ZNF236: variants seen among roughly 807,000 people sequenced by gnomAD.
The protein encoded by ZNF236 is zinc finger protein 236.
In ZNF236, 50 loss-of-function variants were observed where a neutral mutation model predicts 191.2. That is an observed-to-expected ratio of 0.26 (90% CI 0.21 to 0.33). The LOEUF (loss-of-function observed/expected upper bound fraction) is 0.33, where lower values mean the gene tolerates loss of function less well. Ranked by LOEUF, ZNF236 falls within the 10% of genes least tolerant of loss-of-function variation. ZNF236 has a pLI of 1.00. For synonymous variants in ZNF236, 907 were observed against 928.8 expected (o/e 0.98, Z 0.43); for missense variants, 1,754 against 2,374.5 (o/e 0.74, Z 5.43).
rs1362576450 is a variant in ZNF236, at chr18:76,915,683, C to T, written c.3098C>T (p.Ser1033Phe). 6 of 1,614,020 alleles carry T rather than the reference C, an allele frequency of 3.7e-6. No homozygotes were observed. The highest frequency in any genetic ancestry group is 1.7e-5 in the Admixed American group (1 of 60,014). ...KAFSCSVCNA[S>F]FTTNGSLTRH... The stretch of plus-strand genomic sequence containing the variant: ...TTCAGCTGCAGTGTGTGCAATGCTT[C>T]CTTCACCACCAATGGCAGCCTCACC... Residue 1033 changes from serine to phenylalanine, a missense_variant, in exon 19 of 31, where the codon TCC (serine) becomes TTC (phenylalanine). Physicochemically the swap from Ser to Phe is radical, Grantham distance 155 (BLOSUM62 -2). Coordinates refer to ENST00000320610, the MANE Select transcript of ZNF236 (RefSeq NM_001306089.2).
At chr18:76,898,241 T>C (rs1374323895) in intron 10 of ZNF236, 1 of 152,212 alleles carries the variant, frequency 6.6e-6, no homozygotes, top group Non-Finnish European at 1.5e-5. Flanking sequence ...AATTTACATA[T>C]AATATTTACC....
At chr18:76,847,052 C>A (rs1975707949) in intron 1 of ZNF236, among the ~76,000 whole-genome samples, 1 of 152,156 alleles carries the variant, frequency 6.6e-6, no homozygotes, top group Admixed American at 6.5e-5. Context: ...CCTGGGCTCC[C>A]AGAGTGTTGG....
At chr18:76,942,250 G>C (rs1968149506) in intron 26 of ZNF236, among the ~76,000 whole-genome samples, 2 of 152,194 alleles carry the variant, frequency 1.3e-5, no homozygotes. Flanking sequence ...AAGAAATCAA[G>C]TTGTTCAGCA....
rs1292006699 is a variant in ZNF236 at position 76,910,641 on chromosome 18, C to G, written c.2654-19C>G. On this transcript the variant is annotated intron_variant, in intron 15 of 30. Coordinates refer to ENST00000320610, the MANE Select transcript of ZNF236 (RefSeq NM_001306089.2). ...ACTTTAATATTTTTGTAGAACTCCTCTTTTCTAATTTATTTTAGGTTTTAC... is the reference window on the plus strand; with the variant it reads ...ACTTTAATATTTTTGTAGAACTCCTGTTTTCTAATTTATTTTAGGTTTTAC... 3.7e-6 allele frequency: 6 copies of G among 1,604,664 alleles called. No homozygotes were observed. In the Admixed American group the frequency reaches 1.0e-4, roughly 27 times the overall value.
At chr18:76,861,604 T>C (rs1452424604) in intron 3 of ZNF236, among the ~76,000 whole-genome samples, 1 of 152,246 alleles carries the variant, frequency 6.6e-6, no homozygotes, top group Non-Finnish European at 1.5e-5. Context: ...TTGCATTTTG[T>C]GTTTGATTTT....
At position 76,968,885 on chromosome 18, in the gene ZNF236, TA is replaced by T. The variant is rs1048736362; in HGVS notation, c.*548del. The T allele has an allele frequency of 1.4e-5, 14 of 986,560 alleles. No individual in the cohort carries two copies. Among genetic ancestry groups the T allele is most frequent in the Middle Eastern group, 1.0e-3 (2 of 1,920 alleles). 61.1% of individuals were successfully genotyped at this position (986,560 alleles called of 1,614,324 possible). A position where few individuals can be genotyped will look rare whatever the true frequency, so the allele number is the denominator to read the frequency against. On this transcript the variant is annotated 3_prime_UTR_variant, in exon 31 of 31. Transcript: ENST00000320610. ...GGACTCTTTTCAGTCTACCATAAGTTAATATAACTGATACCTTGAGAGATGG... is the reference window on the plus strand; with the variant it reads ...GGACTCTTTTCAGTCTACCATAAGTTATATAACTGATACCTTGAGAGATGG...
intron 9 of ZNF236, among the ~76,000 whole-genome samples, chr18:76,890,638 A>G (rs1977201991): frequency 6.6e-6 from 1 of 152,336 alleles, no homozygotes; most frequent in Non-Finnish European, 1.5e-5. Context: ...TGGGTTAGAA[A>G]ATGGTGTCTT....
chr18:76,936,316 G>A (rs907713969), intron 25 of ZNF236: 15 of 456,596 alleles, frequency 3.3e-5, no homozygotes, highest in Middle Eastern at 3.3e-4. Flanking sequence ...GTGAGTGTGC[G>A]TGTGTGTGCC....
chr18:76,897,230 A>G (rs1166321003), intron 10 of ZNF236, among the ~76,000 whole-genome samples: 1 of 151,690 alleles, frequency 6.6e-6, no homozygotes, highest in African/African-American at 2.4e-5. Context: ...GCACACAGGT[A>G]CCAAACAGTA....
chr18:76,961,556 T>A (rs1968669051), intron 30 of ZNF236, among the ~76,000 whole-genome samples: 1 of 152,150 alleles, frequency 6.6e-6, no homozygotes, highest in Non-Finnish European at 1.5e-5. Context: ...ATTCTACTTA[T>A]TTTCCTCTGG....
At chr18:76,824,322 G>T (rs368165759) in intron 1 of ZNF236, 19 of 780,972 alleles carry the variant, frequency 2.4e-5, no homozygotes, top group Non-Finnish European at 4.1e-5. Context: ...AAACGTTGGT[G>T]ACCAACAGGC....
At chr18:76,854,234 T>A (rs915535719) in intron 3 of ZNF236, among the ~76,000 whole-genome samples, 40 of 152,158 alleles carry the variant, frequency 2.6e-4, no homozygotes, top group African/African-American at 8.9e-4. Context: ...AAAGAAAACA[T>A]ACTATGTGGA....
intron 28 of ZNF236, among the ~76,000 whole-genome samples, chr18:76,957,880 T>C (rs1968558912): frequency 6.6e-6 from 1 of 152,222 alleles, no homozygotes; most frequent in Non-Finnish European, 1.5e-5. Context: ...AGCAAAGATG[T>C]CATGACGAAG....
rs185596615 is a variant in ZNF236 at position 76,909,254 on chromosome 18, G to T, written c.2551+681G>T. 5.8e-3 allele frequency among the ~76,000 whole-genome samples: 868 copies of T among 148,970 alleles called. 2 individuals are homozygous for T. The highest frequency in any genetic ancestry group is 0.011 in the Middle Eastern group (3 of 274). Reference sequence around the variant, plus strand: ...TGCTTGAACCTGGGAGGCGGAGGTTGCAGTGAGCCGAGATGGCGCCATTGC... The same window carrying T: ...TGCTTGAACCTGGGAGGCGGAGGTTTCAGTGAGCCGAGATGGCGCCATTGC... On this transcript the variant is annotated intron_variant, in intron 14 of 30. Transcript: ENST00000320610.
chr18:76,939,800 T>C (rs1312878257), intron 26 of ZNF236, among the ~76,000 whole-genome samples: 1 of 150,984 alleles, frequency 6.6e-6, no homozygotes, highest in Non-Finnish European at 1.5e-5. Context: ...TGGGCGACCC[T>C]AGCACTGCAT....
chr18:76,899,482 C>T lies in ZNF236; in HGVS notation c.1894+260C>T, dbSNP rs182754632. Among the ~76,000 whole-genome samples, 11 of 152,282 alleles carry T rather than the reference C, an allele frequency of 7.2e-5. No individual in the cohort carries two copies. In the East Asian group the frequency reaches 1.7e-3, roughly 24 times the overall value. ...AATAATGTGTAAGTGAAAACAGTAG[C>T]GTGTAAGTCCTCATTGAAGAAACAT... On this transcript the variant is annotated intron_variant, in intron 11 of 30. Coordinates refer to ENST00000320610, the MANE Select transcript of ZNF236 (RefSeq NM_001306089.2).
chr18:76,931,122 GAGCATAAGATTGTT>G (rs1303549848), intron 25 of ZNF236: 4 of 152,130 alleles, frequency 2.6e-5, no homozygotes, highest in Non-Finnish European at 5.9e-5. Context: ...TAATAAACGG[GAGCATAAGATTGTT>G]AGCGCCTGAA....
At chr18:76,906,675 G>A (rs1167812102) in intron 13 of ZNF236, among the ~76,000 whole-genome samples, 3 of 152,180 alleles carry the variant, frequency 2.0e-5, no homozygotes, top group African/African-American at 7.2e-5. Flanking sequence ...TGCTGTAATT[G>A]CGGGGTCACC....
At chr18:76,899,322 G>GT (rs1354042664) in intron 11 of ZNF236, 100 bp downstream of exon 11, 7 of 1,034,754 alleles carry the variant, frequency 6.8e-6, no homozygotes, top group Admixed American at 2.6e-5. Context: ...TAGTTAAATA[G>GT]TTTTTTAGGC....
Sources: allele counts gnomAD v4.1 joint callset (sites outside exome capture counted in the v4.1 genomes callset), GRCh38; gene constraint gnomAD v4.1.1; transcripts MANE v1.5; gene names NCBI Gene and HGNC (gene_info 2026-07-23, HGNC 2026-07-21).